WWOX: variants seen among roughly 807,000 people sequenced by gnomAD.
WWOX encodes WW domain-containing oxidoreductase.
A neutral mutation model predicts 46.2 loss-of-function variants in WWOX; 69 were observed. The ratio of observed to expected loss-of-function variants is 1.49; its 90% confidence interval spans 1.23 to 1.82. The LOEUF is 1.82. Ranked by LOEUF, WWOX falls within the 40% of genes most tolerant of loss-of-function variation. WWOX has a pLI of 0.00. For synonymous variants in WWOX, 359 were observed against 202.6 expected, an observed-to-expected ratio of 1.77 and a Z score of -6.56; for missense variants, 919 against 542.6, an observed-to-expected ratio of 1.69 and a Z score of -6.89.
At chr16:78,243,534 G>A (rs370975055) in intron 5 of WWOX, among the ~76,000 whole-genome samples, 1 of 151,592 alleles carries the variant, frequency 6.6e-6, no homozygotes, top group African/African-American at 2.4e-5. Context: ...CCTCCAGTAG[G>A]CCCCAGTGTC....
intron 8 of WWOX, among the ~76,000 whole-genome samples, chr16:78,540,018 T>A (rs369317548): frequency 0.036 from 3,673 of 102,304 alleles, 79 homozygotes; most frequent in African/African-American, 0.064. Context: ...TCTCTCTCTC[T>A]CTCACACACA....
At chr16:78,745,095 A>T (rs924225867) in intron 8 of WWOX, among the ~76,000 whole-genome samples, 2 of 152,202 alleles carry the variant, frequency 1.3e-5, no homozygotes, top group Non-Finnish European at 2.9e-5. Context: ...GAGGTAAAAA[A>T]AACTGACTAT....
intron 6 of WWOX, among the ~76,000 whole-genome samples, chr16:78,389,963 T>C (rs763261539): frequency 1.3e-5 from 2 of 152,200 alleles, no homozygotes; most frequent in Non-Finnish European, 2.9e-5. Flanking sequence ...TTGGCCAGGC[T>C]AGTCAACTCC....
intron 8 of WWOX, among the ~76,000 whole-genome samples, chr16:78,454,616 C>T (rs1427464845): frequency 6.6e-6 from 1 of 152,160 alleles, no homozygotes; most frequent in Non-Finnish European, 1.5e-5. Context: ...AGCGATTCTC[C>T]TGCCTCAGCC....
chr16:78,214,804 A>G (rs771771045), intron 5 of WWOX, among the ~76,000 whole-genome samples: 2 of 151,206 alleles, frequency 1.3e-5, no homozygotes, highest in South Asian at 4.2e-4. Flanking sequence ...AAACAGTTAA[A>G]TATCAATAGT....
intron 8 of WWOX, among the ~76,000 whole-genome samples, chr16:78,682,234 C>T (rs2142236726): frequency 6.6e-6 from 1 of 152,254 alleles, no homozygotes; most frequent in Non-Finnish European, 1.5e-5. Context: ...CCCACTATGC[C>T]ACTCTTCTGT....
chr16:78,792,014 A>T (rs1281547533), intron 8 of WWOX, among the ~76,000 whole-genome samples: 2 of 152,198 alleles, frequency 1.3e-5, no homozygotes, highest in South Asian at 4.2e-4. Context: ...AGTACTGGAC[A>T]TTCCCTTATT....
In WWOX at chr16:78,346,780, C is replaced by T. The variant is rs1452595548; in HGVS notation, c.517-40080C>T. ...AGAGCAGTGGTGTGATCTTGGTTTACTGCAACCTCTGCCTACTGGGTTCAA... is the reference window on the plus strand; with the variant it reads ...AGAGCAGTGGTGTGATCTTGGTTTATTGCAACCTCTGCCTACTGGGTTCAA... On this transcript the variant is annotated intron_variant, in intron 5 of 8. Coordinates refer to ENST00000566780, the MANE Select transcript of WWOX (RefSeq NM_016373.4). Among the ~76,000 whole-genome samples, 3 of 120,848 alleles carry T rather than the reference C, an allele frequency of 2.5e-5. 1 individual carries two copies. Among genetic ancestry groups the T allele is most frequent in the Admixed American group, 8.1e-5 (1 of 12,416 alleles). The allele number at this position is 120,848 out of a possible 152,430, so 79.3% of individuals were successfully genotyped here. A position where few individuals can be genotyped will look rare whatever the true frequency, so the allele number is the denominator to read the frequency against.
At chr16:78,917,759 G>A (rs1429055504) in intron 8 of WWOX, among the ~76,000 whole-genome samples, 1 of 151,848 alleles carries the variant, frequency 6.6e-6, no homozygotes. Context: ...TATGTCATAA[G>A]GTCTATTAAT....
intron 8 of WWOX, among the ~76,000 whole-genome samples, chr16:78,844,409 G>A (rs547105177): frequency 4.6e-5 from 7 of 152,258 alleles, no homozygotes; most frequent in African/African-American, 1.4e-4. Flanking sequence ...TGTGGTACCA[G>A]TGGGTTACGA....
chr16:78,935,796 C>T (rs965112964), intron 8 of WWOX, among the ~76,000 whole-genome samples: 3 of 152,030 alleles, frequency 2.0e-5, no homozygotes, highest in Non-Finnish European at 4.4e-5. Context: ...GCCTGTACCC[C>T]AGCTACTTGG....
chr16:78,116,396 C>A (rs971614208), intron 4 of WWOX, among the ~76,000 whole-genome samples: 4 of 152,136 alleles, frequency 2.6e-5, no homozygotes, highest in African/African-American at 9.7e-5. Context: ...TTGTGTTGTA[C>A]AAGGTGTGAA....
At chr16:78,225,035 C>A (rs1695116524) in intron 5 of WWOX, among the ~76,000 whole-genome samples, 1 of 152,172 alleles carries the variant, frequency 6.6e-6, no homozygotes, top group Admixed American at 6.5e-5. Context: ...ATCACAGGTA[C>A]AGTCACATCG....
At chr16:78,511,474 T>C (rs2085358781) in intron 8 of WWOX, among the ~76,000 whole-genome samples, 1 of 152,242 alleles carries the variant, frequency 6.6e-6, no homozygotes, top group South Asian at 2.1e-4. Context: ...AGGTCAGTAG[T>C]ACTTCAGAGG....
At chr16:78,110,289 G>C (rs2032413305) in intron 3 of WWOX, among the ~76,000 whole-genome samples, 1 of 143,596 alleles carries the variant, frequency 7.0e-6, no homozygotes, top group Admixed American at 7.3e-5. Context: ...GCAGTGAGCT[G>C]AGATCGCGCC....
intron 8 of WWOX, among the ~76,000 whole-genome samples, chr16:79,120,571 T>G (rs1205185415): frequency 6.6e-6 from 1 of 152,182 alleles, no homozygotes; most frequent in East Asian, 1.9e-4. Context: ...GAGATACATT[T>G]GCTCACGGTG....
chr16:79,212,104 C>A lies in WWOX; in HGVS notation c.*308C>A. On this transcript the variant is annotated 3_prime_UTR_variant, in exon 9 of 9. Transcript: ENST00000566780. ...TCTCCCTGGAGAAGCACCAGCAATT[C>A]TCTTTCTTTTACTGTTATAGAATAG... 4.6e-6 allele frequency: 7 copies of A among 1,535,970 alleles called. No individual in the cohort carries two copies. The highest frequency in any genetic ancestry group is 6.1e-6 in the Non-Finnish European group (7 of 1,146,780).
chr16:78,995,712 G>C (rs1698021225), intron 8 of WWOX, among the ~76,000 whole-genome samples: 1 of 152,190 alleles, frequency 6.6e-6, no homozygotes, highest in Non-Finnish European at 1.5e-5. Flanking sequence ...GTGAAGAACA[G>C]CAGTGACATT....
intron 8 of WWOX, among the ~76,000 whole-genome samples, chr16:78,553,781 T>C (rs1340475801): frequency 6.6e-6 from 1 of 151,682 alleles, no homozygotes; most frequent in African/African-American, 2.4e-5. Flanking sequence ...TGCCAATGAG[T>C]GTGGCCCTGC....
Sources: allele counts gnomAD v4.1 joint callset (sites outside exome capture counted in the v4.1 genomes callset), GRCh38; gene constraint gnomAD v4.1.1; transcripts MANE v1.5; gene names NCBI Gene and HGNC (gene_info 2026-07-23, HGNC 2026-07-21).